ATP10B: variants seen among roughly 807,000 people sequenced by gnomAD.
ATP10B encodes the protein ATPase phospholipid transporting 10B (putative).
In ATP10B, 122 loss-of-function variants were observed where a neutral mutation model predicts 141.2. That is an observed-to-expected ratio of 0.86 (90% CI 0.75 to 1.00). ATP10B has a LOEUF of 1.00. Ranked by LOEUF, ATP10B falls within the 50% of genes least tolerant of loss-of-function variation. The probability of loss-of-function intolerance (pLI) is 0.00; values close to 1 mark genes in which losing one functional copy is unlikely to be tolerated. For missense variants in ATP10B, 1,876 were observed against 1,825.3 expected, an observed-to-expected ratio of 1.03 and a Z score of -0.51; for synonymous variants, 685 against 692.0, an observed-to-expected ratio of 0.99 and a Z score of 0.16.
intron 3 of ATP10B, among the ~76,000 whole-genome samples, chr5:160,691,373 G>T (rs1307541658): frequency 6.6e-6 from 1 of 151,892 alleles, no homozygotes; most frequent in Non-Finnish European, 1.5e-5. Context: ...TAAAAAAAAT[G>T]CTGCTTTACC....
intron 1 of ATP10B, among the ~76,000 whole-genome samples, chr5:160,792,736 GCTTA>G (rs1771670913): frequency 1.3e-5 from 2 of 152,126 alleles, no homozygotes; most frequent in African/African-American, 4.8e-5. Context: ...CTTCTAAGCT[GCTTA>G]CTTAGTCTCC....
At position 160,671,182 on chromosome 5, in the gene ATP10B, A is replaced by C. The variant is rs971591311; in HGVS notation, c.471-515T>G. 2.4e-3 allele frequency among the ~76,000 whole-genome samples: 368 copies of C among 151,104 alleles called. 1 individual carries two copies. The highest frequency in any genetic ancestry group is 4.0e-3 in the Non-Finnish European group (268 of 67,706). ...TCTGTCTCAAAAAAAAAAAAAAAAA[A>C]AAAAAAAAAACCCAAACCAAAACAA... On this transcript the variant is annotated intron_variant, in intron 6 of 25. Coordinates refer to ENST00000327245, the MANE Select transcript of ATP10B (RefSeq NM_025153.3).
intron 24 of ATP10B, among the ~76,000 whole-genome samples, chr5:160,587,541 T>C (rs1383863578): frequency 3.9e-5 from 6 of 152,240 alleles, no homozygotes; most frequent in Non-Finnish European, 8.8e-5. Context: ...TTTCACAATA[T>C]TGATTCTTCC....
intron 2 of ATP10B, among the ~76,000 whole-genome samples, chr5:160,769,262 T>A (rs1186565906): frequency 6.6e-6 from 1 of 152,192 alleles, no homozygotes; most frequent in East Asian, 1.9e-4. Context: ...AAAGACAGCT[T>A]TGTTGCCAAT....
At chr5:160,656,716 T>C (rs1401775374) in intron 7 of ATP10B, among the ~76,000 whole-genome samples, 1 of 152,084 alleles carries the variant, frequency 6.6e-6, no homozygotes, top group African/African-American at 2.4e-5. Flanking sequence ...TTTTTTTAAA[T>C]GGAACCCATA....
the ATP10B span, among the ~76,000 whole-genome samples, chr5:160,887,807 C>T: frequency 2.0e-5 from 3 of 152,274 alleles, no homozygotes; most frequent in East Asian, 1.9e-4. Flanking sequence ...GGCCAACTTC[C>T]GGACACCCTA....
intron 8 of ATP10B, among the ~76,000 whole-genome samples, chr5:160,647,811 C>T (rs902385873): frequency 2.0e-5 from 3 of 152,120 alleles, no homozygotes; most frequent in African/African-American, 7.2e-5. Flanking sequence ...TCCTTCTGCT[C>T]GCTCTGTGTA....
chr5:160,769,502 T>A (rs1769723078), intron 2 of ATP10B, among the ~76,000 whole-genome samples: 1 of 152,182 alleles, frequency 6.6e-6, no homozygotes, highest in South Asian at 2.1e-4. Context: ...CCTGCAGGTG[T>A]GCAAATAAGC....
intron 1 of ATP10B, among the ~76,000 whole-genome samples, chr5:160,810,124 G>C (rs1773049122): frequency 1.3e-5 from 2 of 151,912 alleles, no homozygotes; most frequent in African/African-American, 4.8e-5. Flanking sequence ...TTTAGAAAAT[G>C]AATTATTTAC....
intron 24 of ATP10B, 36 bp downstream of exon 24, chr5:160,589,554 GCA>G (rs753903489): frequency 6.7e-7 from 1 of 1,489,432 alleles, no homozygotes; most frequent in Non-Finnish European, 9.4e-7. Flanking sequence ...ATGGGCAGGA[GCA>G]CAGTTTTGAA....
At chr5:160,646,058 G>A (rs936863649) in intron 8 of ATP10B, among the ~76,000 whole-genome samples, 1 of 152,176 alleles carries the variant, frequency 6.6e-6, no homozygotes, top group Non-Finnish European at 1.5e-5. Context: ...GGTCTGGGAA[G>A]TTAGTAGGAT....
the ATP10B span, among the ~76,000 whole-genome samples, chr5:160,886,290 G>A: frequency 3.3e-5 from 5 of 152,146 alleles, no homozygotes; most frequent in African/African-American, 1.2e-4. Context: ...ATTTAGGGTG[G>A]AGATCAAGAA....
In ATP10B at chr5:160,634,461, C is replaced by T. The variant is rs199633312; in HGVS notation, c.1274G>A (p.Gly425Asp). Residue 425 changes from glycine to aspartate, a missense_variant, in exon 12 of 26, where the codon GGC (glycine) becomes GAC (aspartate). Physicochemically the swap from Gly to Asp is moderately conservative, Grantham distance 94. Coordinates refer to ENST00000327245, the MANE Select transcript of ATP10B (RefSeq NM_025153.3). ...ATCGGAGAAGATGTACTGGATCTGGCCCAAGTCCTCTGCGATGTTGAGGGC... is the reference window on the plus strand; with the variant it reads ...ATCGGAGAAGATGTACTGGATCTGGTCCAAGTCCTCTGCGATGTTGAGGGC... ...CRALNIAEDL[G>D]QIQYIFSDKT... The T allele has an allele frequency of 6.2e-7, 1 of 1,614,132 alleles. No homozygotes were observed.
the ATP10B span, among the ~76,000 whole-genome samples, chr5:160,908,268 C>T: frequency 2.0e-5 from 3 of 152,206 alleles, no homozygotes; most frequent in African/African-American, 7.2e-5. Context: ...GGTTCTCTCT[C>T]AATTTTCCCT....
intron 1 of ATP10B, among the ~76,000 whole-genome samples, chr5:160,811,353 G>A (rs1217036656): frequency 1.3e-5 from 2 of 152,100 alleles, no homozygotes; most frequent in African/African-American, 2.4e-5. Flanking sequence ...AGCTACAGGG[G>A]AGTAGAGAAC....
intron 1 of ATP10B, among the ~76,000 whole-genome samples, chr5:160,803,388 G>T (rs1772527828): frequency 6.6e-6 from 1 of 152,248 alleles, no homozygotes; most frequent in Non-Finnish European, 1.5e-5. Context: ...ATAGGAAGAG[G>T]CTACTTGGGC....
At chr5:160,882,444 T>TA in the ATP10B span, among the ~76,000 whole-genome samples, 1 of 152,146 alleles carries the variant, frequency 6.6e-6, no homozygotes, top group Non-Finnish European at 1.5e-5. Flanking sequence ...TTTTTAAATT[T>TA]AAAAATTTTA....
chr5:160,762,616 T>C (rs1438422471), intron 2 of ATP10B, among the ~76,000 whole-genome samples: 1 of 151,808 alleles, frequency 6.6e-6, no homozygotes, highest in African/African-American at 2.4e-5. Flanking sequence ...CCTTAAAGCA[T>C]AAGTCTCACA....
chr5:160,835,233 A>G (rs1383247537), intron 1 of ATP10B, among the ~76,000 whole-genome samples: 1 of 152,118 alleles, frequency 6.6e-6, no homozygotes, highest in African/African-American at 2.4e-5. Context: ...AAGCAGCAAA[A>G]TTGTTGGGTT....
Sources: allele counts gnomAD v4.1 joint callset (sites outside exome capture counted in the v4.1 genomes callset), GRCh38; gene constraint gnomAD v4.1.1; transcripts MANE v1.5; gene names NCBI Gene and HGNC (gene_info 2026-07-23, HGNC 2026-07-21).